Variants in CIMAP1D observed in about 807,000 individuals in gnomAD.
CIMAP1D encodes the protein CIMAP1 family member D.
chr19:487,827 G>A, the CIMAP1D span, among the ~76,000 whole-genome samples: 1 of 152,186 alleles, frequency 6.6e-6, no homozygotes, highest in Non-Finnish European at 1.5e-5. Context: ...AAACTAAAAG[G>A]CAGAAATGAA....
At chr19:464,228 A>C in the CIMAP1D span, 2 of 1,524,752 alleles carry the variant, frequency 1.3e-6, no homozygotes, top group Non-Finnish European at 1.8e-6. Context: ...TGGTGTAGGC[A>C]TTAGGGGCAG....
At chr19:467,807 T>C in the CIMAP1D span, 1 of 1,278,660 alleles carries the variant, frequency 7.8e-7, no homozygotes, top group African/African-American at 1.5e-5. Context: ...CTGAAGACAG[T>C]GCCTGCCCCA....
At chr19:467,677 G>A in the CIMAP1D span, 2 of 1,611,800 alleles carry the variant, frequency 1.2e-6, no homozygotes, top group East Asian at 2.2e-5. Context: ...CCTGCATGGA[G>A]TAGGCAGGGG....
chr19:489,624 G>A, the CIMAP1D span: 3 of 167,782 alleles, frequency 1.8e-5, no homozygotes, highest in African/African-American at 7.1e-5. Context: ...GGGGGCCGTC[G>A]GGCCTGTGGG....
At chr19:481,448 TG>T in the CIMAP1D span, among the ~76,000 whole-genome samples, 77 of 40,572 alleles carry the variant, frequency 1.9e-3, no homozygotes, top group Admixed American at 2.2e-3. Context: ...GGAAGGATGA[TG>T]GGGAAGGATG....
At chr19:478,549 G>C in the CIMAP1D span, among the ~76,000 whole-genome samples, 1 of 152,248 alleles carries the variant, frequency 6.6e-6, no homozygotes, top group African/African-American at 2.4e-5. Flanking sequence ...TGATCTGATC[G>C]CACCAGATTC....
chr19:490,595 T>C, the CIMAP1D span, among the ~76,000 whole-genome samples: 1 of 152,252 alleles, frequency 6.6e-6, no homozygotes, highest in African/African-American at 2.4e-5. Flanking sequence ...GTTGGAAAAG[T>C]GGCTTCACAA....
At chr19:472,468 G>A in the CIMAP1D span, 6 of 1,546,726 alleles carry the variant, frequency 3.9e-6, no homozygotes, top group African/African-American at 2.7e-5. Flanking sequence ...GAAGCCCACG[G>A]TGGACGGCAG....
At chr19:464,219 G>T in the CIMAP1D span, 1 of 1,520,446 alleles carries the variant, frequency 6.6e-7, no homozygotes, top group Non-Finnish European at 8.8e-7. Flanking sequence ...GAGGGGGCAT[G>T]GTGTAGGCAT....
the CIMAP1D span, among the ~76,000 whole-genome samples, chr19:470,198 G>A: frequency 7.1e-6 from 1 of 139,888 alleles, no homozygotes; most frequent in Non-Finnish European, 1.5e-5. Flanking sequence ...CTGGGTCATA[G>A]GCTAAGTTCT....
At chr19:472,383 G>T in the CIMAP1D span, 6 of 1,449,922 alleles carry the variant, frequency 4.1e-6, no homozygotes, top group Non-Finnish European at 5.5e-6. Flanking sequence ...CCGCCCACTC[G>T]CCCGCCTTAC....
chr19:463,920 G>C, the CIMAP1D span: 31 of 1,611,434 alleles, frequency 1.9e-5, no homozygotes, highest in Middle Eastern at 3.4e-4. Context: ...GGCCCGTTTC[G>C]AGTGGCGGAT....
At chr19:488,777 G>A in the CIMAP1D span, among the ~76,000 whole-genome samples, 4 of 152,164 alleles carry the variant, frequency 2.6e-5, no homozygotes, top group East Asian at 7.7e-4. Flanking sequence ...GTCTCCGCCC[G>A]GGGACACCAG....
the CIMAP1D span, among the ~76,000 whole-genome samples, chr19:479,894 G>A: frequency 2.0e-5 from 3 of 152,170 alleles, no homozygotes; most frequent in African/African-American, 7.2e-5. Context: ...CTTTAAAATA[G>A]TTACTTTTAA....
At chr19:485,135 C>A in the CIMAP1D span, among the ~76,000 whole-genome samples, 24,265 of 151,942 alleles carry the variant, frequency 0.16, 3,346 homozygotes, top group African/African-American at 0.36. Flanking sequence ...CTCAACCCAG[C>A]GGAGGACCCT....
chr19:473,022 G>A, the CIMAP1D span, among the ~76,000 whole-genome samples: 2 of 106,640 alleles, frequency 1.9e-5, no homozygotes, highest in African/African-American at 6.1e-5. Context: ...AGAGATACAT[G>A]GTCACAGATG....
the CIMAP1D span, among the ~76,000 whole-genome samples, chr19:468,525 T>A: frequency 6.6e-6 from 1 of 152,142 alleles, no homozygotes; most frequent in African/African-American, 2.4e-5. Context: ...CTTGGCCAAG[T>A]TATTTATCCT....
the CIMAP1D span, among the ~76,000 whole-genome samples, chr19:484,926 G>C: frequency 2.0e-5 from 3 of 152,188 alleles, no homozygotes; most frequent in African/African-American, 7.2e-5. Context: ...GTAGGAAGGT[G>C]GGGGTAGGGA....
the CIMAP1D span, chr19:463,785 G>C: frequency 6.6e-5 from 100 of 1,526,026 alleles, 1 homozygote; most frequent in African/African-American, 1.5e-3. Flanking sequence ...TCCAGCCAAA[G>C]CCAGGCCCCA....
Sources: gnomAD v4.1 joint callset for allele counts (sites outside exome capture counted in the v4.1 genomes callset) on GRCh38, gnomAD v4.1.1 for gene constraint, MANE v1.5 for transcripts, NCBI Gene and HGNC (gene_info 2026-07-23, HGNC 2026-07-21) for gene names.